The following RAP1GDS1 variants were observed in gnomAD, a reference collection of about 807,000 sequenced individuals.
RAP1GDS1 encodes the protein Rap1 GTPase-GDP dissociation stimulator 1.
In RAP1GDS1, 35 loss-of-function variants were observed where a neutral mutation model predicts 71.1. That is an observed-to-expected ratio of 0.49 (90% CI 0.38 to 0.65). The LOEUF is 0.65. Among genes scored for constraint, RAP1GDS1 ranks in the 30% least tolerant of loss-of-function variants. RAP1GDS1 has a pLI of 0.00. For synonymous variants in RAP1GDS1, 229 were observed against 243.1 expected, an observed-to-expected ratio of 0.94 and a Z score of 0.54; for missense variants, 663 against 706.1, an observed-to-expected ratio of 0.94 and a Z score of 0.69.
At chr4:98,378,538 T>C (rs564564822) in intron 4 of RAP1GDS1, among the ~76,000 whole-genome samples, 1 of 152,124 alleles carries the variant, frequency 6.6e-6, no homozygotes, top group East Asian at 1.9e-4. Context: ...TAAGAGCTAT[T>C]ATCAAAGACA....
At chr4:98,367,698 T>A (rs539308336) in intron 4 of RAP1GDS1, among the ~76,000 whole-genome samples, 1 of 152,228 alleles carries the variant, frequency 6.6e-6, no homozygotes, top group Non-Finnish European at 1.5e-5. Flanking sequence ...GAGATCATTT[T>A]GAAGCTTTAA....
intron 2 of RAP1GDS1, among the ~76,000 whole-genome samples, chr4:98,317,826 A>ATAT (rs1192738777): frequency 5.6e-5 from 8 of 142,932 alleles, no homozygotes; most frequent in African/African-American, 1.8e-4. Context: ...ATATATATAT[A>ATAT]TTTTTTTTTC....
chr4:98,427,065 A>G (rs1749720652), intron 12 of RAP1GDS1, among the ~76,000 whole-genome samples: 1 of 152,188 alleles, frequency 6.6e-6, no homozygotes, highest in South Asian at 2.1e-4. Context: ...ATGGTTTAAC[A>G]TACCCAAGTC....
intron 4 of RAP1GDS1, among the ~76,000 whole-genome samples, chr4:98,354,874 A>G (rs1024661500): frequency 1.3e-5 from 2 of 152,204 alleles, no homozygotes; most frequent in Admixed American, 6.5e-5. Flanking sequence ...AAGTGAATAA[A>G]TGTAAGAAGT....
At chr4:98,359,841 CG>C (rs1738465332) in intron 4 of RAP1GDS1, among the ~76,000 whole-genome samples, 1 of 151,976 alleles carries the variant, frequency 6.6e-6, no homozygotes, top group Non-Finnish European at 1.5e-5. Context: ...TACAGGAGGC[CG>C]GGTGTGGTGT....
intron 1 of RAP1GDS1, among the ~76,000 whole-genome samples, chr4:98,287,384 G>A (rs10028275): frequency 0.14 from 21,634 of 152,070 alleles, 2,246 homozygotes; most frequent in African/African-American, 0.29. Context: ...CATAGGACAG[G>A]TTGATTACAT....
At chr4:98,278,154 G>C (rs752617698) in intron 1 of RAP1GDS1, among the ~76,000 whole-genome samples, 11 of 152,060 alleles carry the variant, frequency 7.2e-5, no homozygotes, top group Non-Finnish European at 1.3e-4. Context: ...AGCCAAGATA[G>C]AGCCACCGCA....
At chr4:98,316,022 A>G (rs543371593) in intron 2 of RAP1GDS1, among the ~76,000 whole-genome samples, 158 of 152,204 alleles carry the variant, frequency 1.0e-3, no homozygotes, top group African/African-American at 3.7e-3. Context: ...AAGATTATAA[A>G]TTATGAATTT....
chr4:98,287,664 T>C lies in RAP1GDS1; in HGVS notation c.5-5744T>C, dbSNP rs78038188. Among the ~76,000 whole-genome samples the C allele has an allele frequency of 7.8e-3, 1,188 of 152,320 alleles. 16 individuals are homozygous for C. The highest frequency in any genetic ancestry group is 0.027 in the African/African-American group (1,136 of 41,584). ...AGTTTGGAGTTTTCATTAAATAGAA[T>C]AGTTTTTAGCTCTTTTGTTTCTCTT... On this transcript the variant is annotated intron_variant, in intron 1 of 14. Transcript: ENST00000408927.
intron 1 of RAP1GDS1, among the ~76,000 whole-genome samples, chr4:98,267,269 T>C (rs1011451598): frequency 2.6e-5 from 4 of 152,162 alleles, no homozygotes; most frequent in African/African-American, 9.6e-5. Flanking sequence ...CTTCATTGTT[T>C]GGAAAGAGTT....
At chr4:98,372,916 C>T (rs1740605689) in intron 4 of RAP1GDS1, among the ~76,000 whole-genome samples, 1 of 152,184 alleles carries the variant, frequency 6.6e-6, no homozygotes, top group African/African-American at 2.4e-5. Flanking sequence ...TCTCAACCTC[C>T]TGGCCACAAG....
chr4:98,336,892 GT>G (rs33943104), intron 2 of RAP1GDS1, among the ~76,000 whole-genome samples: 2,180 of 151,418 alleles, frequency 0.014, 44 homozygotes, highest in African/African-American at 0.05. Context: ...GTTTTGTTTT[GT>G]TTTGTTTTTG....
intron 12 of RAP1GDS1, among the ~76,000 whole-genome samples, chr4:98,430,392 C>A (rs1179589295): frequency 2.0e-5 from 3 of 152,186 alleles, no homozygotes; most frequent in Admixed American, 2.0e-4. Context: ...GTGTTAATTG[C>A]ATGAGTTCTA....
intron 6 of RAP1GDS1, among the ~76,000 whole-genome samples, chr4:98,392,925 T>A (rs147371196): frequency 5.9e-5 from 9 of 152,032 alleles, no homozygotes. Context: ...TGGAAACACA[T>A]CCTAGTCATA....
intron 2 of RAP1GDS1, among the ~76,000 whole-genome samples, chr4:98,315,127 C>G (rs1553968540): frequency 6.6e-6 from 1 of 152,136 alleles, no homozygotes; most frequent in Non-Finnish European, 1.5e-5. Flanking sequence ...TAACTCCACT[C>G]AAATGTTACC....
chr4:98,354,768 A>G (rs1009495636), intron 4 of RAP1GDS1, among the ~76,000 whole-genome samples: 1 of 152,144 alleles, frequency 6.6e-6, no homozygotes, highest in Non-Finnish European at 1.5e-5. Flanking sequence ...ATTTAGTTCA[A>G]TGGAAGTCAT....
At chr4:98,349,690 G>T (rs1271754112) in intron 3 of RAP1GDS1, among the ~76,000 whole-genome samples, 1 of 152,158 alleles carries the variant, frequency 6.6e-6, no homozygotes, top group Non-Finnish European at 1.5e-5. Context: ...CACATCCCTT[G>T]TAAGTTGGAT....
chr4:98,443,368 A>G lies in RAP1GDS1; in HGVS notation c.*1251A>G, dbSNP rs181252133. ...ACTCTTCACTGCCACTGCCACCACC[A>G]AATGGGTTTTTAGAGCTTTGAAACA... On this transcript the variant is annotated 3_prime_UTR_variant, in exon 15 of 15. Coordinates refer to ENST00000408927, the MANE Select transcript of RAP1GDS1 (RefSeq NM_001100427.2). The G allele has an allele frequency of 1.6e-3, 380 of 231,384 alleles. No homozygotes were observed. The highest frequency in any genetic ancestry group is 3.0e-3 in the Non-Finnish European group (348 of 116,926). 14.3% of individuals were successfully genotyped at this position (231,384 alleles called of 1,614,324 possible).
intron 1 of RAP1GDS1, among the ~76,000 whole-genome samples, chr4:98,292,090 ATCT>A (rs979213529): frequency 5.9e-5 from 9 of 152,054 alleles, no homozygotes; most frequent in Non-Finnish European, 1.2e-4. Context: ...GAGTCCAGTC[ATCT>A]TCTGTTGAAC....
Sources: gnomAD v4.1 joint callset for allele counts (sites outside exome capture counted in the v4.1 genomes callset) on GRCh38, gnomAD v4.1.1 for gene constraint, MANE v1.5 for transcripts, NCBI Gene and HGNC (gene_info 2026-07-23, HGNC 2026-07-21) for gene names.